Variants in SV2C observed in about 807,000 individuals in gnomAD.
SV2C encodes the protein solute carrier family 22 member B3.
Under a neutral mutation model 79.7 loss-of-function variants are expected in SV2C, and 49 were observed. That is an observed-to-expected ratio of 0.61 (90% confidence interval 0.49 to 0.78). SV2C has a LOEUF of 0.78. Ranked by LOEUF, SV2C falls within the 30% of genes least tolerant of loss-of-function variation. SV2C has a pLI of 0.00. For missense variants in SV2C, 833 were observed against 912.9 expected (o/e 0.91, Z 1.13); for synonymous variants, 334 against 333.2 (o/e 1.00, Z -0.03).
upstream of SV2C, chr5:76,083,045 C>T (rs1311842457): frequency 6.6e-6 from 1 of 152,382 alleles, no homozygotes; most frequent in African/African-American, 2.4e-5. Flanking sequence ...TAAGGACTGC[C>T]GCCCCTCTCC....
chr5:75,998,237 T>C, the SV2C span, among the ~76,000 whole-genome samples: 2 of 152,112 alleles, frequency 1.3e-5, no homozygotes, highest in Non-Finnish European at 2.9e-5. Context: ...ATATACCTGA[T>C]GTTAAATGAC....
At chr5:76,353,432 T>C (rs535620983) in exon 13 of SV2C, 1 of 177,962 alleles carries the variant, frequency 5.6e-6, no homozygotes, top group Admixed American at 6.1e-5. Flanking sequence ...TCCTTAAATT[T>C]ACTATACAGC....
At chr5:76,074,238 T>C in the SV2C span, among the ~76,000 whole-genome samples, 3 of 152,334 alleles carry the variant, frequency 2.0e-5, no homozygotes, top group African/African-American at 4.8e-5. Flanking sequence ...GTACTTCTTT[T>C]TGGAGTCTCC....
At chr5:76,063,255 A>G in the SV2C span, among the ~76,000 whole-genome samples, 1 of 152,070 alleles carries the variant, frequency 6.6e-6, no homozygotes, top group Non-Finnish European at 1.5e-5. Context: ...GAGATTTCCT[A>G]CATTTTGTGT....
At chr5:75,899,246 C>T in the SV2C span, among the ~76,000 whole-genome samples, 1 of 152,166 alleles carries the variant, frequency 6.6e-6, no homozygotes, top group Admixed American at 6.5e-5. Flanking sequence ...TTGAATGTGT[C>T]CCGGAGATTC....
intron 1 of SV2C, among the ~76,000 whole-genome samples, chr5:76,091,175 A>G (rs999093636): frequency 6.6e-6 from 1 of 152,228 alleles, no homozygotes; most frequent in Non-Finnish European, 1.5e-5. Flanking sequence ...CATTGAACAC[A>G]AAACAATTTA....
intron 2 of SV2C, among the ~76,000 whole-genome samples, chr5:76,176,870 C>CT (rs1324770562): frequency 6.6e-6 from 1 of 152,142 alleles, no homozygotes; most frequent in Non-Finnish European, 1.5e-5. Context: ...AATCCCAGCA[C>CT]TTTGGGAGAA....
chr5:75,971,935 G>C, the SV2C span, among the ~76,000 whole-genome samples: 2 of 152,020 alleles, frequency 1.3e-5, no homozygotes, highest in Non-Finnish European at 2.9e-5. Flanking sequence ...ATACTACAAG[G>C]CTACAGTAAC....
At chr5:75,964,183 T>A in the SV2C span, among the ~76,000 whole-genome samples, 2 of 152,098 alleles carry the variant, frequency 1.3e-5, no homozygotes, top group African/African-American at 4.8e-5. Context: ...ACAGTCCTTG[T>A]TTGTAGTTTA....
chr5:75,955,568 T>C, the SV2C span, among the ~76,000 whole-genome samples: 1 of 144,942 alleles, frequency 6.9e-6, no homozygotes, highest in Non-Finnish European at 1.5e-5. Context: ...ACTAAAGAGC[T>C]TCTGCACAGC....
the SV2C span, among the ~76,000 whole-genome samples, chr5:75,896,308 G>A: frequency 1.3e-5 from 2 of 149,310 alleles, no homozygotes; most frequent in South Asian, 4.2e-4. Flanking sequence ...GTGAGAACAT[G>A]CGGTGTTTGG....
At chr5:76,202,353 A>G (rs915919396) in intron 3 of SV2C, among the ~76,000 whole-genome samples, 1 of 152,188 alleles carries the variant, frequency 6.6e-6, no homozygotes, top group Admixed American at 6.5e-5. Flanking sequence ...TCTTAACTGT[A>G]TGTCATAAAT....
chr5:76,169,776 C>G (rs574886804), intron 2 of SV2C, among the ~76,000 whole-genome samples: 12 of 152,262 alleles, frequency 7.9e-5, no homozygotes, highest in African/African-American at 2.9e-4. Context: ...AAAGGCAGCC[C>G]TCGAGGAATT....
the SV2C span, among the ~76,000 whole-genome samples, chr5:76,043,915 A>T: frequency 1.2e-4 from 18 of 152,194 alleles, no homozygotes; most frequent in East Asian, 1.7e-3. Flanking sequence ...AATTTAATTT[A>T]ATTTTATATT....
the SV2C span, among the ~76,000 whole-genome samples, chr5:76,052,651 A>G: frequency 6.6e-6 from 1 of 152,214 alleles, no homozygotes; most frequent in African/African-American, 2.4e-5. Context: ...TGCCCAACAC[A>G]TCATGCTGCT....
chr5:75,914,089 C>G, the SV2C span, among the ~76,000 whole-genome samples: 10 of 152,150 alleles, frequency 6.6e-5, no homozygotes, highest in Admixed American at 3.9e-4. Flanking sequence ...CATGGCTCTG[C>G]ATCATTTTCA....
chr5:75,875,020 T>G, the SV2C span, among the ~76,000 whole-genome samples: 1 of 152,148 alleles, frequency 6.6e-6, no homozygotes, highest in East Asian at 1.9e-4. Flanking sequence ...CCTATTGAAC[T>G]ACCAACGACA....
At chr5:75,877,119 G>A in the SV2C span, among the ~76,000 whole-genome samples, 5 of 151,862 alleles carry the variant, frequency 3.3e-5, no homozygotes, top group South Asian at 1.0e-3. Context: ...TTATCAAAAA[G>A]CAACCACAAG....
chr5:76,332,409 AT>A lies in SV2C; in HGVS notation c.*6864del. Reference sequence around the variant, plus strand: ...GCTTTGAACCGGTTCATCCGAACTGATTGTTAAACTTTCAGAACTTTTGAGA... The same window carrying A: ...GCTTTGAACCGGTTCATCCGAACTGATGTTAAACTTTCAGAACTTTTGAGA... On this transcript the variant is annotated 3_prime_UTR_variant, in exon 13 of 13. Transcript: ENST00000502798. The A allele has an allele frequency of 6.6e-6, 1 of 152,196 alleles. No homozygotes were observed. Among genetic ancestry groups the A allele is most frequent in the East Asian group, 1.9e-4 (1 of 5,202 alleles). 9.4% of individuals were successfully genotyped at this position (152,196 alleles called of 1,614,324 possible).
Sources: gnomAD v4.1 joint callset for allele counts (sites outside exome capture counted in the v4.1 genomes callset) on GRCh38, gnomAD v4.1.1 for gene constraint, MANE v1.5 for transcripts, NCBI Gene and HGNC (gene_info 2026-07-23, HGNC 2026-07-21) for gene names.